Variants in SPATA13 observed in about 807,000 individuals in gnomAD.
SPATA13 encodes spermatogenesis associated 13.
SPATA13 carries 50 observed loss-of-function variants against 104.0 expected under a neutral mutation model. The observed-to-expected ratio is 0.48, with a 90% CI of 0.38 to 0.61. The LOEUF (loss-of-function observed/expected upper bound fraction) is 0.61, where lower values mean the gene tolerates loss of function less well. Among genes scored for constraint, SPATA13 ranks in the 20% least tolerant of loss-of-function variants. The pLI is 0.00. For missense variants in SPATA13, 1,524 were observed against 1,690.6 expected (o/e 0.90, Z 1.73); for synonymous variants, 606 against 667.5 (o/e 0.91, Z 1.42).
At chr13:24,117,018 C>T (rs192580833) in intron 3 of SPATA13, among the ~76,000 whole-genome samples, 7 of 152,270 alleles carry the variant, frequency 4.6e-5, no homozygotes, top group Non-Finnish European at 2.9e-5. Flanking sequence ...TTCCCAGCCT[C>T]CAGAACTCTG....
chr13:24,056,350 C>T (rs750879824), intron 3 of SPATA13, among the ~76,000 whole-genome samples: 3 of 152,220 alleles, frequency 2.0e-5, no homozygotes, highest in Admixed American at 6.5e-5. Flanking sequence ...GCAAAGGTTA[C>T]ACATCTGGTT....
chr13:24,010,112 G>A (rs9553141), intron 2 of SPATA13, among the ~76,000 whole-genome samples: 7,975 of 152,156 alleles, frequency 0.052, 311 homozygotes, highest in South Asian at 0.19. Context: ...AGTGGGGAGG[G>A]GGCTTCCAGG....
chr13:24,014,879 A>ATTTTTTTTTTTTTTTTTTTTTTTTTT (rs10566756), intron 2 of SPATA13, among the ~76,000 whole-genome samples: 1 of 78,698 alleles, frequency 1.3e-5, no homozygotes, highest in Non-Finnish European at 2.4e-5. Flanking sequence ...CACTTTCTGG[A>ATTTTTTTTTTTTTTTTTTTTTTTTTT]TTTTTTTTTT....
chr13:23,992,058 C>CA (rs751044180), intron 2 of SPATA13, among the ~76,000 whole-genome samples: 16 of 152,216 alleles, frequency 1.1e-4, no homozygotes, highest in Non-Finnish European at 2.1e-4. Flanking sequence ...ATGTAACCCT[C>CA]ACAAAACCTA....
chr13:24,012,459 C>T (rs531750643), intron 2 of SPATA13, among the ~76,000 whole-genome samples: 1 of 152,310 alleles, frequency 6.6e-6, no homozygotes, highest in South Asian at 2.1e-4. Context: ...TACAACAGGA[C>T]AGAGACAAAG....
chr13:24,221,378 T>C (rs1871577855), intron 1 of SPATA13, among the ~76,000 whole-genome samples: 1 of 152,210 alleles, frequency 6.6e-6, no homozygotes, highest in African/African-American at 2.4e-5. Context: ...TCATAATCTA[T>C]CATTCATTCA....
intron 4 of SPATA13, chr13:24,278,662 A>G (rs1272485433): frequency 6.6e-7 from 1 of 1,508,222 alleles, no homozygotes; most frequent in Non-Finnish European, 8.8e-7. Context: ...GCACACCAAT[A>G]ACAAGTACTT....
rs1321548070 is a variant in SPATA13, at chr13:24,088,595, T to C, written c.-112+70894T>C. 2.0e-5 allele frequency among the ~76,000 whole-genome samples: 3 copies of C among 152,036 alleles called. No individual in the cohort carries two copies. The highest frequency in any genetic ancestry group is 2.4e-5 in the African/African-American group (1 of 41,392). On this transcript the variant is annotated intron_variant, in intron 3 of 14. Transcript: ENST00000424834. This position sits in a 1 kb window ranked among gnomAD's most constrained non-coding sequence, Gnocchi z 4.3. ...TGCACTCATTTTTAAAATGACATAATAAACACATCTCTTTAACCTCAATTT... is the reference window on the plus strand; with the variant it reads ...TGCACTCATTTTTAAAATGACATAACAAACACATCTCTTTAACCTCAATTT...
intron 3 of SPATA13, among the ~76,000 whole-genome samples, chr13:24,130,094 C>T (rs186827900): frequency 4.2e-4 from 64 of 152,340 alleles, no homozygotes; most frequent in Non-Finnish European, 8.1e-4. Context: ...GGTGAACACA[C>T]AGGCTGATAT....
intron 2 of SPATA13, among the ~76,000 whole-genome samples, chr13:24,239,890 A>G (rs1388838124): frequency 6.6e-6 from 1 of 151,852 alleles, no homozygotes; most frequent in Non-Finnish European, 1.5e-5. Context: ...GTAGACCTCT[A>G]TATTCTTTAG....
At chr13:23,990,031 TG>T (rs1172854845) in intron 2 of SPATA13, among the ~76,000 whole-genome samples, 3 of 152,204 alleles carry the variant, frequency 2.0e-5, no homozygotes, top group Non-Finnish European at 4.4e-5. Context: ...TATGGTATTT[TG>T]TTACAGCAGC....
chr13:24,044,826 T>C (rs2137733592), intron 3 of SPATA13, among the ~76,000 whole-genome samples: 1 of 139,898 alleles, frequency 7.1e-6, no homozygotes, highest in Admixed American at 8.4e-5. Context: ...CCCACTCATA[T>C]GTGGAATCTG....
At chr13:24,005,365 G>A (rs1048566685) in intron 2 of SPATA13, among the ~76,000 whole-genome samples, 2 of 152,176 alleles carry the variant, frequency 1.3e-5, no homozygotes, top group East Asian at 1.9e-4. Flanking sequence ...GAATTGGAGG[G>A]TTGCCTTGCT....
chr13:23,988,243 A>C (rs1875246494), intron 2 of SPATA13, among the ~76,000 whole-genome samples: 1 of 152,154 alleles, frequency 6.6e-6, no homozygotes, highest in African/African-American at 2.4e-5. Context: ...CACTGCGCCC[A>C]GCCAATTTTG....
At chr13:24,135,263 C>T (rs1026118219) in intron 3 of SPATA13, among the ~76,000 whole-genome samples, 2 of 152,052 alleles carry the variant, frequency 1.3e-5, no homozygotes, top group African/African-American at 4.8e-5. Context: ...CTCTGATGTG[C>T]AATAATTAGG....
Position 24,224,496 on chromosome 13 carries a change from G to A in SPATA13, c.1567G>A (p.Glu523Lys). ...GCCTGTGTCCTTGCAGGATCCCCTG[G>A]AAGCCACACATGGTGATGAGGGCAG... ...PGPVSLQDPL[E>K]ATHGDEGSKD... is the part of the protein sequence containing the mutation. The change falls in exon 2 of 13, where the codon GAA becomes AAA. Residue 523 changes from glutamate (E) to lysine (K), a missense_variant. Glu to Lys is a moderately conservative substitution (Grantham distance 56). Around this residue, in one of 2 missense-constraint regions of SPATA13, gnomAD observed 1,089 missense variants for 1,135.9 expected, o/e 0.96. Transcript: ENST00000382108. 6.5e-7 allele frequency: 1 copy of A among 1,550,290 alleles called. No homozygotes were observed. The highest frequency in any genetic ancestry group is 8.7e-7 in the Non-Finnish European group (1 of 1,147,000).
chr13:23,997,443 A>G (rs1271721568), intron 2 of SPATA13, among the ~76,000 whole-genome samples: 1 of 152,246 alleles, frequency 6.6e-6, no homozygotes. Flanking sequence ...ATCATATACT[A>G]TGAAATCTTT....
At position 24,299,146 on chromosome 13, in the gene SPATA13, C is replaced by T. The variant is rs577988412; in HGVS notation, c.3584-1255C>T. 2.6e-5 allele frequency among the ~76,000 whole-genome samples: 4 copies of T among 152,326 alleles called. No homozygotes were observed. The South Asian group carries it at 6.2e-4, about 24-fold the overall frequency. On this transcript the variant is annotated intron_variant, in intron 11 of 12. Transcript: ENST00000382108. The stretch of plus-strand genomic sequence containing the variant: ...AATCTTAGTTTTAGTCGTCATATGA[C>T]GTTGTCTAGCGCAGGCCCTGAAGTC...
At chr13:24,020,473 T>C (rs1009896376) in intron 3 of SPATA13, among the ~76,000 whole-genome samples, 26 of 152,198 alleles carry the variant, frequency 1.7e-4, no homozygotes, top group African/African-American at 6.3e-4. Flanking sequence ...TTGGAAACCA[T>C]TCTTGGCCCA....
Sources: gnomAD v4.1 joint callset for allele counts (sites outside exome capture counted in the v4.1 genomes callset) on GRCh38, gnomAD v4.1.1 for gene constraint, gnomAD v4.1.1 regional missense constraint, Gnocchi (gnomAD v3.1) non-coding constraint, MANE v1.5 for transcripts, NCBI Gene and HGNC (gene_info 2026-07-23, HGNC 2026-07-21) for gene names.